Variants in CYB5A observed in about 807,000 individuals in gnomAD.
CYB5A encodes cytochrome b5 type A.
In CYB5A, 10 loss-of-function variants were observed where a neutral mutation model predicts 16.2. That is an observed-to-expected ratio of 0.62 (90% CI 0.38 to 1.04). The LOEUF is 1.04. Ranked by LOEUF, CYB5A falls within the 50% of genes least tolerant of loss-of-function variation. CYB5A has a pLI of 0.01. For synonymous variants in CYB5A, 62 were observed against 57.0 expected, an observed-to-expected ratio of 1.09 and a Z score of -0.40; for missense variants, 161 against 165.9, an observed-to-expected ratio of 0.97 and a Z score of 0.16.
chr18:74,263,751 A>G (rs577421041), intron 1 of CYB5A, among the ~76,000 whole-genome samples: 13 of 152,210 alleles, frequency 8.5e-5, no homozygotes, highest in Admixed American at 5.2e-4. Flanking sequence ...TATAAAATAC[A>G]ATTTTAAAAA....
chr18:74,286,741 T>A (rs1368814588), intron 1 of CYB5A, among the ~76,000 whole-genome samples: 2 of 152,258 alleles, frequency 1.3e-5, no homozygotes, highest in Admixed American at 6.5e-5. Flanking sequence ...AAGGCACTTA[T>A]CAGCCATCTT....
chr18:74,291,733 C>G lies in CYB5A; in HGVS notation c.129+14G>C. The G allele has an allele frequency of 6.2e-7, 1 of 1,613,756 alleles. No individual in the cohort carries two copies. Among genetic ancestry groups the G allele is most frequent in the Non-Finnish European group, 8.5e-7 (1 of 1,179,774 alleles). On this transcript the variant is annotated intron_variant, in intron 1 of 4. Coordinates refer to ENST00000340533, the MANE Select transcript of CYB5A (RefSeq NM_148923.4). ...CACGCTCCCTGCGCCCCAAGCCGCT[C>G]ATCCCCAACTCACCTCTTCCAGAAA... is the stretch of plus-strand genomic sequence containing the variant.
chr18:74,276,744 C>CA (rs1982896689), intron 1 of CYB5A, among the ~76,000 whole-genome samples: 2 of 152,290 alleles, frequency 1.3e-5, no homozygotes, highest in East Asian at 1.9e-4. Flanking sequence ...CCTGACTCCA[C>CA]ACCAGGTCTC....
chr18:74,288,451 C>A (rs904088177), intron 1 of CYB5A, among the ~76,000 whole-genome samples: 1 of 152,146 alleles, frequency 6.6e-6, no homozygotes, highest in Non-Finnish European at 1.5e-5. Context: ...TAAATCTTTC[C>A]TATTTAGGTA....
chr18:74,289,396 G>GT (rs1311399647), intron 1 of CYB5A, among the ~76,000 whole-genome samples: 1 of 152,132 alleles, frequency 6.6e-6, no homozygotes, highest in African/African-American at 2.4e-5. Context: ...GTCATGCACA[G>GT]TAACCTTAGT....
At chr18:74,266,442 G>C (rs1982438807) in intron 1 of CYB5A, among the ~76,000 whole-genome samples, 1 of 152,154 alleles carries the variant, frequency 6.6e-6, no homozygotes, top group South Asian at 2.1e-4. Context: ...ATTTGCCAGG[G>C]ACAGCCGATG....
chr18:74,277,774 C>A (rs138954878), intron 1 of CYB5A, among the ~76,000 whole-genome samples: 4 of 152,142 alleles, frequency 2.6e-5, no homozygotes, highest in East Asian at 1.9e-4. Flanking sequence ...ATCCCAAGCC[C>A]GGGACACAGA....
At chr18:74,272,847 G>A (rs930288392) in intron 1 of CYB5A, among the ~76,000 whole-genome samples, 5 of 152,066 alleles carry the variant, frequency 3.3e-5, no homozygotes, top group African/African-American at 1.2e-4. Flanking sequence ...GCTTGAACCC[G>A]GGAGGCAGAG....
At chr18:74,281,210 G>T (rs1983088477) in intron 1 of CYB5A, among the ~76,000 whole-genome samples, 1 of 152,170 alleles carries the variant, frequency 6.6e-6, no homozygotes, top group Non-Finnish European at 1.5e-5. Context: ...CTGCTGAGAT[G>T]GGGACATGCA....
At chr18:74,285,247 A>T (rs993157241) in intron 1 of CYB5A, among the ~76,000 whole-genome samples, 4 of 152,222 alleles carry the variant, frequency 2.6e-5, no homozygotes, top group Admixed American at 1.3e-4. Context: ...GCTAGAAAGG[A>T]CACTCTTGAG....
At chr18:74,290,667 T>C (rs1192155509) in intron 1 of CYB5A, among the ~76,000 whole-genome samples, 1 of 152,166 alleles carries the variant, frequency 6.6e-6, no homozygotes, top group Non-Finnish European at 1.5e-5. Flanking sequence ...TCCCCGACTA[T>C]GTAAAAAATT....
intron 1 of CYB5A, among the ~76,000 whole-genome samples, chr18:74,280,422 A>G (rs1255346418): frequency 1.3e-5 from 2 of 150,538 alleles, no homozygotes; most frequent in East Asian, 2.0e-4. Context: ...AAAAAAAAAA[A>G]GGGAAATTAG....
intron 3 of CYB5A, chr18:74,256,609 T>TC: frequency 1.8e-6 from 1 of 559,570 alleles, no homozygotes; most frequent in South Asian, 2.7e-5. Flanking sequence ...CTTTTGATGT[T>TC]CCACACCAAC....
At chr18:74,273,291 A>C (rs1371211203) in intron 1 of CYB5A, among the ~76,000 whole-genome samples, 1 of 152,160 alleles carries the variant, frequency 6.6e-6, no homozygotes, top group African/African-American at 2.4e-5. Flanking sequence ...AATAAACGGC[A>C]CTTCCTGCAC....
chr18:74,269,072 C>T (rs923731661), intron 1 of CYB5A, among the ~76,000 whole-genome samples: 16 of 152,218 alleles, frequency 1.1e-4, no homozygotes, highest in African/African-American at 3.9e-4. Flanking sequence ...GATTGAAGGT[C>T]GGCACAGTCT....
chr18:74,253,989 G>A (rs1981865714), intron 4 of CYB5A, among the ~76,000 whole-genome samples: 1 of 152,144 alleles, frequency 6.6e-6, no homozygotes, highest in Non-Finnish European at 1.5e-5. Context: ...GACCAGCCTG[G>A]CCAACATAGT....
At chr18:74,272,214 T>C (rs949709287) in intron 1 of CYB5A, among the ~76,000 whole-genome samples, 2 of 152,164 alleles carry the variant, frequency 1.3e-5, no homozygotes, top group Non-Finnish European at 2.9e-5. Context: ...CTAAGCAACT[T>C]TTTTGTTCTT....
chr18:74,285,566 C>T (rs1983285811), intron 1 of CYB5A, among the ~76,000 whole-genome samples: 1 of 152,102 alleles, frequency 6.6e-6, no homozygotes, highest in South Asian at 2.1e-4. Flanking sequence ...CCCCAGGGTG[C>T]TCTGGTAACA....
chr18:74,253,450 G>A lies in CYB5A; in HGVS notation c.*134C>T, dbSNP rs1427385478. ...TTCTTTTTGTTTTGTTTCTAATGTC[G>A]GAAGAAAAAGAAAGAGATATATTAA... On this transcript the variant is annotated 3_prime_UTR_variant, in exon 5 of 5. Coordinates refer to ENST00000340533, the MANE Select transcript of CYB5A (RefSeq NM_148923.4). 1.6e-5 allele frequency: 10 copies of A among 637,308 alleles called. No individual in the cohort carries two copies. The highest frequency in any genetic ancestry group is 3.4e-5 in the South Asian group (2 of 59,684). 39.5% of individuals were successfully genotyped at this position (637,308 alleles called of 1,614,324 possible).
Sources: allele counts gnomAD v4.1 joint callset (sites outside exome capture counted in the v4.1 genomes callset), GRCh38; gene constraint gnomAD v4.1.1; transcripts MANE v1.5; gene names NCBI Gene and HGNC (gene_info 2026-07-23, HGNC 2026-07-21).